The following SLC45A4 variants were observed in gnomAD, a reference collection of about 807,000 sequenced individuals.
The protein encoded by SLC45A4 is solute carrier family 45 member 4, also known as polyamine-transporter SLC45A4.
Under a neutral mutation model 63.7 loss-of-function variants are expected in SLC45A4, and 32 were observed. That is an observed-to-expected ratio of 0.50 (90% CI 0.38 to 0.67). The LOEUF is 0.67. SLC45A4 is among the 30% of genes least tolerant of loss of function. SLC45A4 has a pLI of 0.00. For synonymous variants in SLC45A4, 535 were observed against 510.0 expected (o/e 1.05, Z -0.66); for missense variants, 1,027 against 1,157.7 (o/e 0.89, Z 1.64).
chr8:141,289,989 G>A (rs1830286375), intron 1 of SLC45A4, among the ~76,000 whole-genome samples: 2 of 152,148 alleles, frequency 1.3e-5, no homozygotes, highest in African/African-American at 2.4e-5. Context: ...TGAGCTAGCA[G>A]AGAACTCCAA....
chr8:141,270,923 C>G (rs7833339), intron 1 of SLC45A4, among the ~76,000 whole-genome samples: 49,452 of 151,984 alleles, frequency 0.33, 8,153 homozygotes, highest in East Asian at 0.48. Flanking sequence ...AGATCCCTGA[C>G]CCCAGGGGCA....
intron 2 of SLC45A4, 32 bp downstream of exon 2, chr8:141,253,957 G>A (rs1223959089): frequency 7.8e-6 from 12 of 1,533,952 alleles, no homozygotes; most frequent in Middle Eastern, 1.7e-4. Context: ...TCCGCTCAGC[G>A]TTCACTGCGC....
chr8:141,210,017 C>A lies in SLC45A4; in HGVS notation c.*1555G>T, dbSNP rs925794039. ...AACCCACATTTGGTGTGGTTTGGGTCGGATCTTGATTCGGGTCAGGCCACT... is the reference window on the plus strand; with the variant it reads ...AACCCACATTTGGTGTGGTTTGGGTAGGATCTTGATTCGGGTCAGGCCACT... On this transcript the variant is annotated 3_prime_UTR_variant, in exon 9 of 9. Coordinates refer to ENST00000517878, the MANE Select transcript of SLC45A4 (RefSeq NM_001286646.2). 6.6e-6 allele frequency: 1 copy of A among 152,156 alleles called. No individual in the cohort carries two copies. The highest frequency in any genetic ancestry group is 6.5e-5 in the Admixed American group (1 of 15,278). The allele number at this position is 152,156 out of a possible 1,614,324, so 9.4% of individuals were successfully genotyped here.
chr8:141,259,879 G>A (rs940611887), intron 1 of SLC45A4, among the ~76,000 whole-genome samples: 1 of 152,194 alleles, frequency 6.6e-6, no homozygotes, highest in African/African-American at 2.4e-5. Flanking sequence ...AACAAATGAA[G>A]CGAATGAATG....
At chr8:141,223,710 G>A (rs1826800176) in intron 2 of SLC45A4, among the ~76,000 whole-genome samples, 1 of 152,124 alleles carries the variant, frequency 6.6e-6, no homozygotes, top group African/African-American at 2.4e-5. Context: ...GGAGGCCCCC[G>A]CCAACCCTGC....
chr8:141,242,325 G>A (rs1013602321), intron 2 of SLC45A4, among the ~76,000 whole-genome samples: 2 of 152,186 alleles, frequency 1.3e-5, no homozygotes, highest in African/African-American at 4.8e-5. Flanking sequence ...TGGAATCACC[G>A]TGATTTTTAA....
At chr8:141,290,507 A>C (rs910422401) in intron 1 of SLC45A4, among the ~76,000 whole-genome samples, 1 of 152,252 alleles carries the variant, frequency 6.6e-6, no homozygotes, top group Non-Finnish European at 1.5e-5. Flanking sequence ...CCACAAAGTA[A>C]ATATGAGGTG....
chr8:141,211,293 G>C lies in SLC45A4; in HGVS notation c.*279C>G. The C allele has an allele frequency of 1.1e-6, 1 of 884,706 alleles. No individual in the cohort carries two copies. Among genetic ancestry groups the C allele is most frequent in the East Asian group, 3.1e-5 (1 of 31,960 alleles). The allele number at this position is 884,706 out of a possible 1,614,324, so 54.8% of individuals were successfully genotyped here. ...GGAGGGGCAACCTGGCCTCCTAGGA[G>C]AGTCCTTCAGACGGGACGAGCGGGG... On this transcript the variant is annotated 3_prime_UTR_variant, in exon 9 of 9. Coordinates refer to ENST00000517878, the MANE Select transcript of SLC45A4 (RefSeq NM_001286646.2).
At position 141,290,132 on chromosome 8, in the gene SLC45A4, CGTATGTAT is replaced by C. The variant is rs199814065; in HGVS notation, c.-401+17956_-401+17963del. On this transcript the variant is annotated intron_variant, in intron 1 of 8. Transcript: ENST00000517878. The stretch of plus-strand genomic sequence containing the variant: ...TACATGTCCATATATAATATATACA[CGTATGTAT>C]GTATATATTATACATGATCTACATC... Among the ~76,000 whole-genome samples the C allele has an allele frequency of 2.8e-4, 42 of 152,200 alleles. No homozygotes were observed. In the East Asian group the frequency reaches 7.0e-3, roughly 25 times the overall value.
rs771840353 is a variant in SLC45A4, at chr8:141,208,522, G to A, written c.*3050C>T. On this transcript the variant is annotated 3_prime_UTR_variant, in exon 9 of 9. Coordinates refer to ENST00000517878, the MANE Select transcript of SLC45A4 (RefSeq NM_001286646.2). ...TCAGTGGCCCTGCCTCCCCCCCGGG[G>A]ACAGGACTGGACAGAGTGCTTCTCC... 1.3e-5 allele frequency: 2 copies of A among 152,344 alleles called. No homozygotes were observed. Among genetic ancestry groups the A allele is most frequent in the Non-Finnish European group, 2.9e-5 (2 of 68,130 alleles). 9.4% of individuals were successfully genotyped at this position (152,344 alleles called of 1,614,324 possible).
chr8:141,293,801 T>G (rs1018609743), intron 1 of SLC45A4, among the ~76,000 whole-genome samples: 2 of 151,516 alleles, frequency 1.3e-5, no homozygotes, highest in Non-Finnish European at 2.9e-5. Flanking sequence ...GGCGTGGTGG[T>G]GCACACCTGT....
At position 141,218,284 on chromosome 8, in the gene SLC45A4, C is replaced by G; in HGVS notation, c.1356G>C (p.Ser452=). ...RANAVVLIKP[S]RSMSDLYDMQ... is the part of the protein sequence containing the mutation. ...TGTCGTACAGGTCGCTCATGCTGCG[C>G]GACGGCTTGATCAGCACCACGGCGT... Residue 452 remains serine (S), a synonymous_variant, in exon 5 of 9, where the codon TCG becomes TCC. Transcript: ENST00000517878. The G allele has an allele frequency of 6.2e-7, 1 of 1,604,696 alleles. No individual in the cohort carries two copies. The highest frequency in any genetic ancestry group is 1.1e-5 in the South Asian group (1 of 91,080).
rs1262082557 is a variant in SLC45A4 at position 141,278,949 on chromosome 8, G to T, written c.-400-24320C>A. 6.6e-6 allele frequency among the ~76,000 whole-genome samples: 1 copy of T among 152,186 alleles called. No individual in the cohort carries two copies. Among genetic ancestry groups the T allele is most frequent in the Non-Finnish European group, 1.5e-5 (1 of 68,024 alleles). ...CTCAGCCTGCTCTGTCCCCTTCAAG[G>T]CCAGACAAGCAAAGCCCCAGCCCCC... On this transcript the variant is annotated intron_variant, in intron 1 of 8. Transcript: ENST00000517878. This position sits in a 1 kb window ranked among gnomAD's most constrained non-coding sequence, Gnocchi z 4.1.
intron 1 of SLC45A4, among the ~76,000 whole-genome samples, chr8:141,296,150 G>A (rs1029308342): frequency 2.6e-5 from 4 of 152,194 alleles, no homozygotes; most frequent in Non-Finnish European, 5.9e-5. Context: ...GGCCAACACA[G>A]TGAAACCTGG....
At chr8:141,291,543 T>G (rs1323277037) in intron 1 of SLC45A4, among the ~76,000 whole-genome samples, 1 of 152,208 alleles carries the variant, frequency 6.6e-6, no homozygotes, top group Admixed American at 6.5e-5. Flanking sequence ...ACAGCGCAGA[T>G]CACTACAGAG....
chr8:141,221,011 C>T (rs890702893), intron 3 of SLC45A4, among the ~76,000 whole-genome samples: 11 of 152,280 alleles, frequency 7.2e-5, no homozygotes, highest in African/African-American at 2.2e-4. Context: ...CTCCTCCTGC[C>T]GCTTAACTCC....
At chr8:141,296,826 A>C in intron 1 of SLC45A4, among the ~76,000 whole-genome samples, 1 of 115,206 alleles carries the variant, frequency 8.7e-6, no homozygotes, top group Non-Finnish European at 1.7e-5. Context: ...ACACAGCGAG[A>C]CTCCATTGCC....
intron 1 of SLC45A4, among the ~76,000 whole-genome samples, chr8:141,274,908 A>G (rs955044703): frequency 6.6e-6 from 1 of 152,206 alleles, no homozygotes; most frequent in Non-Finnish European, 1.5e-5. Flanking sequence ...CACCACAAGG[A>G]AAAGGGGGCC....
chr8:141,232,586 C>G (rs377676109), intron 2 of SLC45A4, among the ~76,000 whole-genome samples: 293 of 151,766 alleles, frequency 1.9e-3, no homozygotes, highest in African/African-American at 6.7e-3. Context: ...CCCAGGTGAG[C>G]GCTCATGAGC....
Sources: gnomAD v4.1 joint callset for allele counts (sites outside exome capture counted in the v4.1 genomes callset) on GRCh38, gnomAD v4.1.1 for gene constraint, Gnocchi (gnomAD v3.1) non-coding constraint, MANE v1.5 for transcripts, NCBI Gene and HGNC (gene_info 2026-07-23, HGNC 2026-07-21) for gene names.